Variants in LNPEP observed in about 807,000 individuals in gnomAD.
The protein encoded by LNPEP is leucyl and cystinyl aminopeptidase.
Under a neutral mutation model 120.6 loss-of-function variants are expected in LNPEP, and 64 were observed. That is an observed-to-expected ratio of 0.53 (90% CI 0.43 to 0.65). The LOEUF is 0.65. Among genes scored for constraint, LNPEP ranks in the 30% least tolerant of loss-of-function variants. LNPEP has a pLI of 0.00. For synonymous variants in LNPEP, 435 were observed against 425.4 expected (o/e 1.02, Z -0.28); for missense variants, 1,057 against 1,200.0 (o/e 0.88, Z 1.76).
At chr5:96,938,394 T>C (rs1341686219) in intron 1 of LNPEP, among the ~76,000 whole-genome samples, 1 of 152,246 alleles carries the variant, frequency 6.6e-6, no homozygotes, top group Non-Finnish European at 1.5e-5. Flanking sequence ...TCCCTATATA[T>C]GTAGAGAGGT....
Position 97,022,341 on chromosome 5 carries a change from A to G in LNPEP, c.2418A>G (p.Gln806=), listed in dbSNP as rs1374468396. The G allele has an allele frequency of 5.6e-6, 9 of 1,613,182 alleles. No individual in the cohort carries two copies. In the Admixed American group the frequency reaches 6.7e-5, roughly 12 times the overall value. Residue 806 remains glutamine, a synonymous_variant, in exon 14 of 18, where the codon CAA becomes CAG. Coordinates refer to ENST00000231368, the MANE Select transcript of LNPEP (RefSeq NM_005575.3). The part of the protein sequence containing the change: ...FKLLQNQIQQ[Q]TWTDEGTPSM... ...TACTTCAAAACCAAATTCAACAACA[A>G]ACTTGGACTGATGAGGGCACTCCAT... is the stretch of plus-strand genomic sequence containing the variant.
rs1158748436 is a variant in LNPEP, at chr5:97,033,229, A to G, written c.*4696A>G. 6.6e-6 allele frequency: 1 copy of G among 152,088 alleles called. No individual in the cohort carries two copies. Among genetic ancestry groups the G allele is most frequent in the Non-Finnish European group, 1.5e-5 (1 of 68,014 alleles). The allele number at this position is 152,088 out of a possible 1,614,324, so 9.4% of individuals were successfully genotyped here. On this transcript the variant is annotated 3_prime_UTR_variant, in exon 18 of 18. Transcript: ENST00000231368. The stretch of plus-strand genomic sequence containing the variant: ...TGTATAACAGTCTCCCATTCTCCTC[A>G]TCCCTTATTGACTGCTGGGCAGTAG...
In LNPEP at chr5:97,022,377, G is replaced by C. The variant is rs771825393; in HGVS notation, c.2454G>C (p.Glu818Asp). The change falls in exon 14 of 18, where the codon GAG (glutamate) becomes GAC (aspartate). Residue 818 changes from glutamate (E) to aspartate (D), a missense_variant. Physicochemically the swap from Glu to Asp is conservative, Grantham distance 45. Coordinates refer to ENST00000231368, the MANE Select transcript of LNPEP (RefSeq NM_005575.3). ...ATGAGGGCACTCCATCTATGCGAGAGCTTCGGTCAGCCCTGCTAGAGTTTG... is the reference window on the plus strand; with the variant it reads ...ATGAGGGCACTCCATCTATGCGAGACCTTCGGTCAGCCCTGCTAGAGTTTG... ...WTDEGTPSMRELRSALLEFAC... is the reference protein window; with the variant it reads ...WTDEGTPSMRDLRSALLEFAC... The C allele has an allele frequency of 1.9e-6, 3 of 1,613,894 alleles. No homozygotes were observed. The Admixed American group carries it at 5.0e-5, about 27-fold the overall frequency.
rs1791294128 is a variant in LNPEP, at chr5:97,024,578, C to T, written c.2619C>T (p.Gly873=). 6.2e-7 allele frequency: 1 copy of T among 1,613,940 alleles called. No individual in the cohort carries two copies. The highest frequency in any genetic ancestry group is 1.3e-5 in the African/African-American group (1 of 74,922). Residue 873 remains glycine, a synonymous_variant, in exon 15 of 18, where the codon GGC becomes GGT. Coordinates refer to ENST00000231368, the MANE Select transcript of LNPEP (RefSeq NM_005575.3). ...AAGTTGGAGCAAAAACTGACAAAGG[C>T]TGGTCATTCCTTTTGGGCAAATACA... is the stretch of plus-strand genomic sequence containing the variant. ...VFKVGAKTDK[G]WSFLLGKYIS... is the part of the protein sequence containing the mutation.
intron 4 of LNPEP, among the ~76,000 whole-genome samples, chr5:96,989,759 T>C (rs1222067708): frequency 2.6e-5 from 4 of 152,170 alleles, no homozygotes; most frequent in Non-Finnish European, 4.4e-5. Context: ...ATAATAATTG[T>C]AATGACCAGA....
At chr5:97,022,704 G>A (rs1032003702) in intron 14 of LNPEP, among the ~76,000 whole-genome samples, 4 of 149,286 alleles carry the variant, frequency 2.7e-5, no homozygotes, top group Non-Finnish European at 4.4e-5. Flanking sequence ...AGTTACATAC[G>A]TATACATGTG....
chr5:96,979,090 T>TG, intron 1 of LNPEP, 48 bp from the exon 2 acceptor site: 1 of 1,419,256 alleles, frequency 7.0e-7, no homozygotes, highest in Non-Finnish European at 9.4e-7. Flanking sequence ...TATTATGAGC[T>TG]TTTTTTTTTC....
chr5:96,983,821 T>A (rs1790181746), intron 2 of LNPEP, among the ~76,000 whole-genome samples: 1 of 152,184 alleles, frequency 6.6e-6, no homozygotes, highest in Non-Finnish European at 1.5e-5. Context: ...AAATTTTTTT[T>A]AATCTCTGAG....
At chr5:96,989,521 C>CAGGG (rs1388796040) in intron 4 of LNPEP, among the ~76,000 whole-genome samples, 1 of 149,384 alleles carries the variant, frequency 6.7e-6, no homozygotes, top group Non-Finnish European at 1.5e-5. Context: ...GAGAGCTGAT[C>CAGGG]AGGGATCTTT....
chr5:96,942,586 G>A (rs556265744), intron 1 of LNPEP, among the ~76,000 whole-genome samples: 3 of 151,344 alleles, frequency 2.0e-5, no homozygotes, highest in Admixed American at 1.3e-4. Flanking sequence ...CCCAGGAGGC[G>A]GAGGTTGCAG....
At chr5:96,955,024 C>T (rs1439210339) in intron 1 of LNPEP, among the ~76,000 whole-genome samples, 2 of 149,548 alleles carry the variant, frequency 1.3e-5, no homozygotes, top group African/African-American at 2.4e-5. Context: ...CCTCGTGATC[C>T]GCCTGCCTCG....
At position 97,030,121 on chromosome 5, in the gene LNPEP, A is replaced by T. The variant is rs1352564477; in HGVS notation, c.*1588A>T. 6.6e-6 allele frequency: 1 copy of T among 151,938 alleles called. No individual in the cohort carries two copies. Among genetic ancestry groups the T allele is most frequent in the African/African-American group, 2.4e-5 (1 of 41,446 alleles). The allele number at this position is 151,938 out of a possible 1,614,324, so 9.4% of individuals were successfully genotyped here. A position where few individuals can be genotyped will look rare whatever the true frequency, so the allele number is the denominator to read the frequency against. On this transcript the variant is annotated 3_prime_UTR_variant, in exon 18 of 18. Coordinates refer to ENST00000231368, the MANE Select transcript of LNPEP (RefSeq NM_005575.3). ...TGTGAATAAAATTATATTTTATTTTATGAAAATATTTTTATATAATAAAAT... is the reference window on the plus strand; with the variant it reads ...TGTGAATAAAATTATATTTTATTTTTTGAAAATATTTTTATATAATAAAAT...
intron 1 of LNPEP, among the ~76,000 whole-genome samples, chr5:96,957,323 A>G (rs1337595303): frequency 6.6e-6 from 1 of 152,194 alleles, no homozygotes; most frequent in Non-Finnish European, 1.5e-5. Flanking sequence ...AGTGGCTCCA[A>G]TGTTAGTTTA....
intron 4 of LNPEP, among the ~76,000 whole-genome samples, chr5:96,988,067 TA>T (rs2112618977): frequency 6.6e-6 from 1 of 152,276 alleles, no homozygotes; most frequent in East Asian, 1.9e-4. Context: ...CTCATTGGTA[TA>T]AAACCCCCAG....
chr5:96,986,640 G>T lies in LNPEP; in HGVS notation c.1101G>T (p.Lys367Asn). Reference sequence around the variant, plus strand: ...TTGCTTTCATTGTGGGAGAGATGAAGAACCTGAGTCAGGACGTAAATGGAA... The same window carrying T: ...TTGCTTTCATTGTGGGAGAGATGAATAACCTGAGTCAGGACGTAAATGGAA... ...YLVAFIVGEM[K>N]NLSQDVNGTL... is the part of the protein sequence containing the mutation. Residue 367 changes from lysine to asparagine, a missense_variant, in exon 4 of 18, where the codon AAG becomes AAT. Physicochemically the swap from Lys to Asn is moderately conservative, Grantham distance 94. Coordinates refer to ENST00000231368, the MANE Select transcript of LNPEP (RefSeq NM_005575.3). The T allele has an allele frequency of 6.2e-7, 1 of 1,613,592 alleles. No individual in the cohort carries two copies. Among genetic ancestry groups the T allele is most frequent in the Non-Finnish European group, 8.5e-7 (1 of 1,179,654 alleles).
intron 11 of LNPEP, chr5:97,010,908 G>A (rs1790909566): frequency 1.0e-6 from 1 of 985,340 alleles, no homozygotes; most frequent in African/African-American, 1.7e-5. Context: ...AACTGAAAGA[G>A]ACTAATGATG....
At chr5:96,992,117 A>G (rs1459822713) in intron 4 of LNPEP, among the ~76,000 whole-genome samples, 1 of 152,200 alleles carries the variant, frequency 6.6e-6, no homozygotes, top group Non-Finnish European at 1.5e-5. Context: ...TAAAATGTTT[A>G]TAGTTTGTCG....
At chr5:96,983,903 T>G (rs10476696) in intron 2 of LNPEP, among the ~76,000 whole-genome samples, 61,746 of 152,062 alleles carry the variant, frequency 0.41, 12,622 homozygotes, top group Non-Finnish European at 0.43. Flanking sequence ...AAGCTGTGAA[T>G]TTGAGGTTTG....
chr5:96,993,454 C>T (rs373772513), intron 5 of LNPEP, among the ~76,000 whole-genome samples: 71 of 152,122 alleles, frequency 4.7e-4, no homozygotes, highest in African/African-American at 5.3e-4. Flanking sequence ...AACTGAGTAA[C>T]GGGAGCTCAG....
Sources: gnomAD v4.1 joint callset for allele counts (sites outside exome capture counted in the v4.1 genomes callset) on GRCh38, gnomAD v4.1.1 for gene constraint, MANE v1.5 for transcripts, NCBI Gene and HGNC (gene_info 2026-07-23, HGNC 2026-07-21) for gene names.